LAMA3: variants seen among roughly 807,000 people sequenced by gnomAD.
LAMA3 encodes the protein laminin subunit alpha 3.
Under a neutral mutation model 402.0 loss-of-function variants are expected in LAMA3, and 281 were observed. The ratio of observed to expected loss-of-function variants is 0.70; its 90% CI spans 0.63 to 0.77. The LOEUF (loss-of-function observed/expected upper bound fraction) is 0.77. LAMA3 is among the 30% of genes least tolerant of loss of function. The pLI is 0.00. For synonymous variants in LAMA3, 1,431 were observed against 1,558.4 expected (o/e 0.92, Z 1.93); for missense variants, 3,840 against 4,215.5 (o/e 0.91, Z 2.47).
Position 23,951,669 on chromosome 18 carries a change from G to A in LAMA3, c.9643-15G>A. The A allele has an allele frequency of 6.2e-7, 1 of 1,608,786 alleles. No individual in the cohort carries two copies. ...GCCTTCCTGAAGGAAATAGGAAAATGCATGTGTGTTCCAGGTCACGGCCTC... is the reference window on the plus strand; with the variant it reads ...GCCTTCCTGAAGGAAATAGGAAAATACATGTGTGTTCCAGGTCACGGCCTC... On this transcript the variant is annotated splice_polypyrimidine_tract_variant and intron_variant, in intron 72 of 74. Coordinates refer to ENST00000313654, the MANE Select transcript of LAMA3 (RefSeq NM_198129.4).
chr18:23,709,456 T>C (rs2060948848), intron 1 of LAMA3, among the ~76,000 whole-genome samples: 1 of 152,212 alleles, frequency 6.6e-6, no homozygotes, highest in African/African-American at 2.4e-5. Flanking sequence ...GTTATACATC[T>C]GTTTTTTTCT....
In LAMA3 at chr18:23,836,192, T is replaced by C. The variant is rs917917145; in HGVS notation, c.2985-789T>C. 3.9e-5 allele frequency among the ~76,000 whole-genome samples: 6 copies of C among 152,112 alleles called. No homozygotes were observed. The East Asian group carries it at 9.7e-4, about 24-fold the overall frequency. ...ACAACAGTTTATTAAGTTTCTAATA[T>C]ACAATACACACTGGGCTTGGCTTTT... On this transcript the variant is annotated intron_variant, in intron 24 of 74. Transcript: ENST00000313654.
At chr18:23,716,465 G>A (rs116804620) in intron 2 of LAMA3, among the ~76,000 whole-genome samples, 2,235 of 152,116 alleles carry the variant, frequency 0.015, 48 homozygotes, top group African/African-American at 0.051. Context: ...GGCCTATATC[G>A]CTTATTTAAC....
At chr18:23,798,681 G>T (rs2062812642) in intron 12 of LAMA3, among the ~76,000 whole-genome samples, 2 of 152,210 alleles carry the variant, frequency 1.3e-5, no homozygotes, top group African/African-American at 4.8e-5. Flanking sequence ...ACATTGAGGT[G>T]ATTGGTCAGA....
At chr18:23,793,879 C>T (rs540555256) in intron 12 of LAMA3, among the ~76,000 whole-genome samples, 2 of 152,196 alleles carry the variant, frequency 1.3e-5, no homozygotes, top group Non-Finnish European at 1.5e-5. Flanking sequence ...GAACTTCTGA[C>T]GAAGCGGCTT....
At position 23,946,500 on chromosome 18, in the gene LAMA3, G is replaced by A. The variant is rs771249205; in HGVS notation, c.9351+216G>A. On this transcript the variant is annotated intron_variant, in intron 70 of 74. Coordinates refer to ENST00000313654, the MANE Select transcript of LAMA3 (RefSeq NM_198129.4). Reference sequence around the variant, plus strand: ...AGGTGCAGGTTGAGACGCAGGCCCTGAAAGGGTGAAGATAGAGCTTCTCTG... The same window carrying A: ...AGGTGCAGGTTGAGACGCAGGCCCTAAAAGGGTGAAGATAGAGCTTCTCTG... The A allele has an allele frequency of 6.2e-5, 37 of 592,084 alleles. 1 individual carries two copies. The highest frequency in any genetic ancestry group is 9.8e-5 in the Non-Finnish European group (33 of 335,962). 36.7% of individuals were successfully genotyped at this position (592,084 alleles called of 1,614,324 possible). A position where few individuals can be genotyped will look rare whatever the true frequency, so the allele number is the denominator to read the frequency against.
chr18:23,782,346 G>A (rs1451330439), intron 11 of LAMA3, among the ~76,000 whole-genome samples: 1 of 151,950 alleles, frequency 6.6e-6, no homozygotes, highest in Non-Finnish European at 1.5e-5. Flanking sequence ...ACCTGAGGTC[G>A]GGAGTTTGAG....
chr18:23,827,456 A>T lies in LAMA3; in HGVS notation c.2812A>T (p.Ser938Cys). 1 of 1,614,142 alleles carries T rather than the reference A, an allele frequency of 6.2e-7. No individual in the cohort carries two copies. Among genetic ancestry groups the T allele is most frequent in the Non-Finnish European group, 8.5e-7 (1 of 1,180,040 alleles). ...TPAHPVMVDL[S>C]GREVELHLRL... ...TGCACACCCTGTCATGGTGGACCTC[A>T]GCGGGAGAGAGGTGGGCCAGCCTTT... The change falls in exon 23 of 75, where the codon AGC becomes TGC. Residue 938 changes from serine (S) to cysteine (C), a missense_variant. Transcript: ENST00000313654.
chr18:23,871,405 C>T (rs748019189), intron 37 of LAMA3, 26 bp from the exon 38 acceptor site: 4 of 1,604,038 alleles, frequency 2.5e-6, no homozygotes, highest in Non-Finnish European at 2.6e-6. Flanking sequence ...CTAAGGAAGA[C>T]CCTGACTTTC....
chr18:23,803,054 C>A (rs1305899328), intron 12 of LAMA3, among the ~76,000 whole-genome samples: 1 of 152,178 alleles, frequency 6.6e-6, no homozygotes, highest in Non-Finnish European at 1.5e-5. Context: ...GAAGCGAGTT[C>A]TTTGATCAGA....
At chr18:23,821,704 A>G (rs560332198) in intron 19 of LAMA3, among the ~76,000 whole-genome samples, 1 of 152,340 alleles carries the variant, frequency 6.6e-6, no homozygotes, top group East Asian at 1.9e-4. Flanking sequence ...ATAAAACATC[A>G]TACAACTTAA....
At chr18:23,713,482 T>G (rs767926244) in intron 1 of LAMA3, among the ~76,000 whole-genome samples, 1 of 152,244 alleles carries the variant, frequency 6.6e-6, no homozygotes. Context: ...GGATCCTTGA[T>G]GCACCACTGG....
chr18:23,694,737 C>T (rs2060653320), intron 1 of LAMA3, among the ~76,000 whole-genome samples: 1 of 152,178 alleles, frequency 6.6e-6, no homozygotes, highest in Admixed American at 6.5e-5. Flanking sequence ...CTTTGCGTTG[C>T]CTTGCTAATG....
chr18:23,810,609 C>G, intron 13 of LAMA3, 106 bp downstream of exon 13: 2 of 1,241,034 alleles, frequency 1.6e-6, no homozygotes, highest in South Asian at 2.5e-5. Context: ...CACTGGCCAC[C>G]CCCACATCCT....
intron 52 of LAMA3, among the ~76,000 whole-genome samples, chr18:23,906,005 T>A (rs1175147117): frequency 6.6e-6 from 1 of 152,086 alleles, no homozygotes; most frequent in African/African-American, 2.4e-5. Flanking sequence ...CCTTACGGGA[T>A]CCTCCTGTCT....
chr18:23,820,812 G>A (rs1598858287), intron 19 of LAMA3, among the ~76,000 whole-genome samples: 1 of 152,196 alleles, frequency 6.6e-6, no homozygotes, highest in Non-Finnish European at 1.5e-5. Context: ...GCTGCTTGCT[G>A]TTGCTACCCC....
chr18:23,831,618 G>A (rs1321452880), intron 23 of LAMA3, among the ~76,000 whole-genome samples: 2 of 152,144 alleles, frequency 1.3e-5, no homozygotes, highest in Admixed American at 1.3e-4. Flanking sequence ...TTTATGCTGT[G>A]TTTGTCTAGT....
Position 23,937,615 on chromosome 18 carries a change from G to A in LAMA3, c.8863-1608G>A, listed in dbSNP as rs149740086. Among the ~76,000 whole-genome samples the A allele has an allele frequency of 1.5e-3, 234 of 152,256 alleles. 1 individual carries two copies. Among genetic ancestry groups the A allele is most frequent in the African/African-American group, 5.4e-3 (226 of 41,542 alleles). ...AATTAAGGGACATTTGGTGGCAAAGGCTGTCTTTCAAAACTGTTCATCTTG... is the reference window on the plus strand; with the variant it reads ...AATTAAGGGACATTTGGTGGCAAAGACTGTCTTTCAAAACTGTTCATCTTG... On this transcript the variant is annotated intron_variant, in intron 67 of 74. Coordinates refer to ENST00000313654, the MANE Select transcript of LAMA3 (RefSeq NM_198129.4).
At chr18:23,854,800 G>A (rs570567901) in intron 32 of LAMA3, among the ~76,000 whole-genome samples, 3 of 150,752 alleles carry the variant, frequency 2.0e-5, no homozygotes, top group East Asian at 2.0e-4. Flanking sequence ...TGGCTAACAC[G>A]ATGAAACCTC....
Sources: allele counts gnomAD v4.1 joint callset (sites outside exome capture counted in the v4.1 genomes callset), GRCh38; gene constraint gnomAD v4.1.1; transcripts MANE v1.5; gene names NCBI Gene and HGNC (gene_info 2026-07-23, HGNC 2026-07-21).